The following MLC1 variants were observed in gnomAD, a reference collection of about 807,000 sequenced individuals.
MLC1 encodes membrane protein MLC1.
MLC1 carries 32 observed loss-of-function variants against 44.7 expected under a neutral mutation model. The ratio of observed to expected loss-of-function variants is 0.72; its 90% confidence interval spans 0.54 to 0.96. The LOEUF (loss-of-function observed/expected upper bound fraction) is 0.96. MLC1 is among the 40% of genes least tolerant of loss of function. The pLI is 0.00. For missense variants in MLC1, 459 were observed against 492.2 expected (o/e 0.93, Z 0.64); for synonymous variants, 190 against 213.0 (o/e 0.89, Z 0.94).
chr22:50,067,522 CCTGT>C, intron 10 of MLC1, among the ~76,000 whole-genome samples: 2 of 116,922 alleles, frequency 1.7e-5, no homozygotes, highest in Non-Finnish European at 3.6e-5. Context: ...ACTCCATCCC[CCTGT>C]CAGGCAGTGA....
At chr22:50,082,218 G>A (rs2062162214) in intron 3 of MLC1, among the ~76,000 whole-genome samples, 1 of 96,166 alleles carries the variant, frequency 1.0e-5, no homozygotes, top group East Asian at 3.5e-4. Flanking sequence ...CGGCTTGCGG[G>A]CCAGAGGGGC....
intron 9 of MLC1, among the ~76,000 whole-genome samples, chr22:50,069,600 C>T (rs1027030996): frequency 6.6e-5 from 10 of 151,852 alleles, no homozygotes; most frequent in African/African-American, 2.4e-4. Context: ...GAGCTGAGAT[C>T]GTACCACTGC....
intron 7 of MLC1, among the ~76,000 whole-genome samples, chr22:50,075,571 G>A (rs1327362876): frequency 5.3e-5 from 8 of 152,138 alleles, no homozygotes; most frequent in African/African-American, 9.6e-5. Flanking sequence ...TTAGCTGGGC[G>A]TGGTGGCGGG....
rs1252064624 is a variant in MLC1, at chr22:50,064,130, G to A, written c.963C>T (p.Gly321=). Residue 321 remains glycine, a synonymous_variant, in exon 11 of 12, where the codon GGC becomes GGT. Transcript: ENST00000311597. The part of the protein sequence containing the change: ...VLLLQAGLNT[G]TAIQCVRFKV... Reference sequence around the variant, plus strand: ...TGAAGCGCACGCACTGGATGGCGGTGCCCGTGTTGAGGCCGGCCTGCAGCA... The same window carrying A: ...TGAAGCGCACGCACTGGATGGCGGTACCCGTGTTGAGGCCGGCCTGCAGCA... The A allele has an allele frequency of 6.2e-7, 1 of 1,609,532 alleles. No individual in the cohort carries two copies. The highest frequency in any genetic ancestry group is 1.3e-5 in the African/African-American group (1 of 74,914).
At position 50,061,455 on chromosome 22, in the gene MLC1, G is replaced by T; in HGVS notation, c.*128C>A. The T allele has an allele frequency of 9.9e-7, 1 of 1,010,724 alleles. No homozygotes were observed. The highest frequency in any genetic ancestry group is 1.5e-6 in the Non-Finnish European group (1 of 649,412). The allele number at this position is 1,010,724 out of a possible 1,614,324, so 62.6% of individuals were successfully genotyped here. ...ACCCTAGGAAGTGAAAACCCCACCT[G>T]CAGCCTGGTTTGCCCTCACACAAGG... On this transcript the variant is annotated 3_prime_UTR_variant, in exon 12 of 12. Coordinates refer to ENST00000311597, the MANE Select transcript of MLC1 (RefSeq NM_015166.4).
chr22:50,077,777 G>A (rs768917400), intron 5 of MLC1, among the ~76,000 whole-genome samples: 13 of 152,164 alleles, frequency 8.5e-5, no homozygotes, highest in Non-Finnish European at 1.5e-4. Flanking sequence ...CTGGTCTACC[G>A]ACCCCATTCT....
chr22:50,061,536 G>A lies in MLC1; in HGVS notation c.*47C>T, dbSNP rs185151842. 70 of 1,577,260 alleles carry A rather than the reference G, an allele frequency of 4.4e-5. No homozygotes were observed. The South Asian group carries it at 6.9e-4, about 15-fold the overall frequency. On this transcript the variant is annotated 3_prime_UTR_variant, in exon 12 of 12. Transcript: ENST00000311597. ...GCGATTAGGGGTTGTGCGTTTCCAT[G>A]CTTGGGGCCAGGCTGGGCGCTGCCA...
At chr22:50,074,706 G>C (rs908658599) in intron 7 of MLC1, 1 of 315,796 alleles carries the variant, frequency 3.2e-6, no homozygotes, top group African/African-American at 2.1e-5. Context: ...CCCATCGAAG[G>C]GACTCGGGAA....
chr22:50,084,192 CCCA>C (rs2062222305), intron 2 of MLC1, among the ~76,000 whole-genome samples: 1 of 152,182 alleles, frequency 6.6e-6, no homozygotes, highest in Non-Finnish European at 1.5e-5. Flanking sequence ...CATCTCTGTG[CCCA>C]CGACTGTGCA....
chr22:50,069,604 C>A (rs2061801105), intron 9 of MLC1, among the ~76,000 whole-genome samples: 1 of 151,984 alleles, frequency 6.6e-6, no homozygotes, highest in Admixed American at 6.6e-5. Context: ...TGAGATCGTA[C>A]CACTGCACTC....
At position 50,068,435 on chromosome 22, in the gene MLC1, T is replaced by G; in HGVS notation, c.892A>C (p.Lys298Gln). ...CTCTGAAATAAAATACAACTCACTT[T>G]TATGGCTGGCGGGTAATCCTTAAAC... ...EMFKDYPPAI[K>Q]PSYDVLLLLL... The change falls in exon 10 of 12, where the codon AAA becomes CAA. Residue 298 changes from lysine (K) to glutamine (Q), a missense_variant and splice_region_variant. Transcript: ENST00000311597. The G allele has an allele frequency of 6.2e-7, 1 of 1,613,642 alleles. No individual in the cohort carries two copies. The highest frequency in any genetic ancestry group is 1.1e-5 in the South Asian group (1 of 91,070).
chr22:50,077,502 T>TC lies in MLC1; in HGVS notation c.424-1dup (p.Ile142AspfsTer39). 6.2e-7 allele frequency: 1 copy of TC among 1,612,936 alleles called. No individual in the cohort carries two copies. The highest frequency in any genetic ancestry group is 8.5e-7 in the Non-Finnish European group (1 of 1,179,618). On this transcript the variant is annotated frameshift_variant and splice_region_variant. Coordinates refer to ENST00000311597, the MANE Select transcript of MLC1 (RefSeq NM_015166.4). LOFTEE classifies it high-confidence loss of function. ...AGCAGCAGGATGAGGTTGAAGTTGA[T>TC]CTGCCAAGGGGCACACACGCTTCAG...
rs535798819 is a variant in MLC1, at chr22:50,073,659, G to T, written c.714+557C>A. Among the ~76,000 whole-genome samples the T allele has an allele frequency of 2.6e-5, 4 of 152,154 alleles. No homozygotes were observed. The East Asian group carries it at 7.7e-4, about 29-fold the overall frequency. The stretch of plus-strand genomic sequence containing the variant: ...GAGGTGGGCAAATTACTTGAACCCG[G>T]GGAGGGGCAGAGGTTGTAGTGAGGT... On this transcript the variant is annotated intron_variant, in intron 8 of 11. Transcript: ENST00000311597.
intron 2 of MLC1, among the ~76,000 whole-genome samples, chr22:50,084,368 C>A (rs1009675697): frequency 3.9e-5 from 6 of 152,138 alleles, no homozygotes; most frequent in Non-Finnish European, 5.9e-5. Context: ...ACCTGAAGGC[C>A]TGAGACGCCT....
intron 11 of MLC1, 40 bp downstream of exon 11, chr22:50,063,994 C>T: frequency 6.4e-7 from 1 of 1,570,008 alleles, no homozygotes; most frequent in Non-Finnish European, 8.6e-7. Context: ...CCGTGGGCCA[C>T]TCACCTCCCC....
chr22:50,085,210 G>A (rs552256707), intron 1 of MLC1, 145 bp downstream of exon 1: 765 of 1,262,802 alleles, frequency 6.1e-4, no homozygotes, highest in Non-Finnish European at 7.1e-4. Flanking sequence ...CCCTCCAGGT[G>A]CAACACCTGA....
At chr22:50,067,999 C>T (rs1288874154) in intron 10 of MLC1, among the ~76,000 whole-genome samples, 1 of 151,590 alleles carries the variant, frequency 6.6e-6, no homozygotes, top group African/African-American at 2.4e-5. Flanking sequence ...CTAAGAAATA[C>T]ATCTAGCTAC....
At chr22:50,082,002 G>C (rs1273202503) in intron 3 of MLC1, among the ~76,000 whole-genome samples, 1 of 152,268 alleles carries the variant, frequency 6.6e-6, no homozygotes, top group Non-Finnish European at 1.5e-5. Flanking sequence ...AGAGACCCAG[G>C]ACAGCACGGG....
chr22:50,083,118 G>T lies in MLC1; in HGVS notation c.233C>A (p.Ala78Asp), dbSNP rs1465846856. ...FSLYLGNVFP[A>D]EMDYLRCAAG... ...AGCACAGCGCAAGTAATCCATCTCA[G>T]CCGGGAACACGTTCCCCAGGTACAG... is the stretch of plus-strand genomic sequence containing the variant. Residue 78 changes from alanine (A) to aspartate (D), a missense_variant, in exon 3 of 12, where the codon GCT becomes GAT. Coordinates refer to ENST00000311597, the MANE Select transcript of MLC1 (RefSeq NM_015166.4). This position sits in a 1 kb window ranked among gnomAD's most constrained non-coding sequence, Gnocchi z 4.6. The T allele has an allele frequency of 6.2e-7, 1 of 1,614,124 alleles. No individual in the cohort carries two copies. The highest frequency in any genetic ancestry group is 1.1e-5 in the South Asian group (1 of 91,086).
Sources: gnomAD v4.1 joint callset for allele counts (sites outside exome capture counted in the v4.1 genomes callset) on GRCh38, gnomAD v4.1.1 for gene constraint, Gnocchi (gnomAD v3.1) non-coding constraint, MANE v1.5 for transcripts, NCBI Gene and HGNC (gene_info 2026-07-23, HGNC 2026-07-21) for gene names.